TRAPPC9: variants seen among roughly 807,000 people sequenced by gnomAD.
TRAPPC9 encodes the protein IKK2 binding protein.
A neutral mutation model predicts 124.0 loss-of-function variants in TRAPPC9; 83 were observed. That is an observed-to-expected ratio of 0.67 (90% confidence interval 0.56 to 0.80). The LOEUF (loss-of-function observed/expected upper bound fraction) is 0.80, where lower values mean the gene tolerates loss of function less well. Ranked by LOEUF, TRAPPC9 falls within the 30% of genes least tolerant of loss-of-function variation. The pLI, the probability that TRAPPC9 is intolerant of heterozygous loss-of-function variation, is 0.00. For synonymous variants in TRAPPC9, 638 were observed against 617.5 expected, an observed-to-expected ratio of 1.03 and a Z score of -0.49; for missense variants, 1,302 against 1,508.3, an observed-to-expected ratio of 0.86 and a Z score of 2.27.
rs913517181 is a variant in TRAPPC9, at chr8:139,729,219, T to C, written c.*1842A>G. On this transcript the variant is annotated 3_prime_UTR_variant, in exon 23 of 23. Transcript: ENST00000438773. ...TAAACATGTTGTTATAGACACGTTC[T>C]GAGGCATAGAAAATTTATAATTTGG... 3.1e-4 allele frequency among the ~76,000 whole-genome samples: 47 copies of C among 152,384 alleles called. No homozygotes were observed. The highest frequency in any genetic ancestry group is 8.9e-4 in the African/African-American group (37 of 41,600).
At chr8:140,343,386 G>C (rs2067247900) in intron 9 of TRAPPC9, among the ~76,000 whole-genome samples, 1 of 152,232 alleles carries the variant, frequency 6.6e-6, no homozygotes, top group African/African-American at 2.4e-5. Context: ...GTGATACAGT[G>C]TTTTGCATTA....
At chr8:140,033,388 T>C (rs189420350) in intron 17 of TRAPPC9, among the ~76,000 whole-genome samples, 1 of 152,174 alleles carries the variant, frequency 6.6e-6, no homozygotes, top group African/African-American at 2.4e-5. Flanking sequence ...AATCTCGGCA[T>C]TGACCATACA....
At chr8:139,937,499 G>A (rs1429215744) in intron 19 of TRAPPC9, among the ~76,000 whole-genome samples, 1 of 152,186 alleles carries the variant, frequency 6.6e-6, no homozygotes, top group Non-Finnish European at 1.5e-5. Context: ...ACAGCGCTGG[G>A]GGCAGCGGCT....
intron 13 of TRAPPC9, among the ~76,000 whole-genome samples, chr8:140,284,323 C>T: frequency 6.6e-6 from 1 of 152,200 alleles, no homozygotes; most frequent in Non-Finnish European, 1.5e-5. Flanking sequence ...TAATCAGTAT[C>T]TCATCCCTTT....
intron 17 of TRAPPC9, among the ~76,000 whole-genome samples, chr8:140,195,707 A>G (rs1035589117): frequency 4.6e-5 from 7 of 151,454 alleles, no homozygotes; most frequent in Admixed American, 4.6e-4. Flanking sequence ...TCAACTATCC[A>G]CTGTACAGAT....
chr8:140,427,834 C>T (rs1199855340), intron 4 of TRAPPC9, among the ~76,000 whole-genome samples: 1 of 152,194 alleles, frequency 6.6e-6, no homozygotes, highest in Non-Finnish European at 1.5e-5. Flanking sequence ...AAAATCACTG[C>T]AATCTTGACG....
chr8:140,106,364 A>T (rs1347332795), intron 17 of TRAPPC9, among the ~76,000 whole-genome samples: 1 of 152,190 alleles, frequency 6.6e-6, no homozygotes, highest in Admixed American at 6.5e-5. Context: ...GAATTTCCCA[A>T]CTGTCAGTTA....
intron 17 of TRAPPC9, among the ~76,000 whole-genome samples, chr8:140,086,969 T>TC (rs1168818338): frequency 6.6e-6 from 1 of 151,762 alleles, no homozygotes; most frequent in African/African-American, 2.4e-5. Context: ...ATCCCACACC[T>TC]CCCTCCAGCC....
intron 5 of TRAPPC9, among the ~76,000 whole-genome samples, chr8:140,407,873 C>T (rs1348700438): frequency 1.3e-5 from 2 of 152,150 alleles, no homozygotes; most frequent in Non-Finnish European, 1.5e-5. Context: ...CTGTCCAACT[C>T]GACCTCCCAA....
intron 19 of TRAPPC9, 43 bp downstream of exon 19, chr8:139,988,683 A>G (rs1341356507): frequency 2.2e-6 from 3 of 1,338,802 alleles, no homozygotes; most frequent in East Asian, 5.0e-5. Context: ...TGGTGAAGGC[A>G]GAGGGTGGCC....
intron 21 of TRAPPC9, among the ~76,000 whole-genome samples, chr8:139,763,031 G>A (rs1484789127): frequency 1.3e-5 from 2 of 152,190 alleles, no homozygotes; most frequent in Non-Finnish European, 2.9e-5. Context: ...GTGGGGTACG[G>A]GTCTCTGCTA....
intron 7 of TRAPPC9, among the ~76,000 whole-genome samples, chr8:140,377,333 T>A (rs756294856): frequency 1.3e-5 from 2 of 152,138 alleles, no homozygotes; most frequent in South Asian, 2.1e-4. Context: ...AATTTCACCC[T>A]TGTGGCCCAG....
At chr8:140,397,771 A>C (rs2069138893) in intron 6 of TRAPPC9, 26 bp from the exon 7 acceptor site, 1 of 1,613,410 alleles carries the variant, frequency 6.2e-7, no homozygotes. Context: ...GAAATGCCTC[A>C]GTCAAAAAAG....
At chr8:139,809,675 C>T (rs999888240) in intron 21 of TRAPPC9, among the ~76,000 whole-genome samples, 1 of 152,156 alleles carries the variant, frequency 6.6e-6, no homozygotes, top group African/African-American at 2.4e-5. Context: ...CAGAAGCCCC[C>T]ATTCTCTCTT....
Position 139,890,338 on chromosome 8 carries a change from G to A in TRAPPC9, c.2965-4369C>T, listed in dbSNP as rs968603408. 1.1e-4 allele frequency among the ~76,000 whole-genome samples: 17 copies of A among 152,218 alleles called. 1 individual carries two copies. The highest frequency in any genetic ancestry group is 1.0e-3 in the Admixed American group (16 of 15,290). On this transcript the variant is annotated intron_variant, in intron 20 of 22. Coordinates refer to ENST00000438773, the MANE Select transcript of TRAPPC9 (RefSeq NM_001160372.4). ...GGGCTAAGGAGGTGCCCTGCTCCAG[G>A]CCCAGGGACATTTGCAGAGGTTGAG... is the stretch of plus-strand genomic sequence containing the variant.
At chr8:139,858,365 C>T (rs947768287) in intron 21 of TRAPPC9, among the ~76,000 whole-genome samples, 1 of 152,226 alleles carries the variant, frequency 6.6e-6, no homozygotes, top group Admixed American at 6.5e-5. Context: ...TGCCGTGCCT[C>T]CCCGGGGCCT....
At chr8:139,791,645 G>A (rs949625165) in intron 21 of TRAPPC9, among the ~76,000 whole-genome samples, 3 of 152,270 alleles carry the variant, frequency 2.0e-5, no homozygotes, top group Middle Eastern at 3.4e-3. Context: ...AAGCCCAGGC[G>A]CTGGGCTCTG....
At chr8:139,768,945 AC>A (rs1227925112) in intron 21 of TRAPPC9, among the ~76,000 whole-genome samples, 1 of 152,222 alleles carries the variant, frequency 6.6e-6, no homozygotes, top group African/African-American at 2.4e-5. Flanking sequence ...ACAGACACAC[AC>A]AGAGGGAAGA....
intron 21 of TRAPPC9, among the ~76,000 whole-genome samples, chr8:139,884,850 G>A (rs555747480): frequency 2.6e-5 from 4 of 152,320 alleles, no homozygotes; most frequent in African/African-American, 9.6e-5. Context: ...CCGCCATGAC[G>A]GTGCCCACCT....
Sources: gnomAD v4.1 joint callset for allele counts (sites outside exome capture counted in the v4.1 genomes callset) on GRCh38, gnomAD v4.1.1 for gene constraint, MANE v1.5 for transcripts, NCBI Gene and HGNC (gene_info 2026-07-23, HGNC 2026-07-21) for gene names.